The following RGS7 variants were observed in gnomAD, a reference collection of about 807,000 sequenced individuals.
RGS7 encodes regulator of G protein signaling 7, also known as regulator of G-protein signaling 7.
Under a neutral mutation model 81.1 loss-of-function variants are expected in RGS7, and 27 were observed. The observed-to-expected ratio is 0.33, with a 90% CI of 0.25 to 0.46. RGS7 has a LOEUF of 0.46. Ranked by LOEUF, RGS7 falls within the 20% of genes least tolerant of loss-of-function variation. The probability of loss-of-function intolerance (pLI) is 1.00; values close to 1 mark genes in which losing one functional copy is unlikely to be tolerated. For synonymous variants in RGS7, 208 were observed against 207.7 expected (o/e 1.00, Z -0.01); for missense variants, 396 against 607.4 (o/e 0.65, Z 3.66).
At chr1:241,091,023 G>C (rs2063838029) in intron 3 of RGS7, among the ~76,000 whole-genome samples, 1 of 152,144 alleles carries the variant, frequency 6.6e-6, no homozygotes. Flanking sequence ...ATGGGATTTT[G>C]CCTCAAACCC....
intron 3 of RGS7, among the ~76,000 whole-genome samples, chr1:241,019,093 C>T (rs1215711176): frequency 6.6e-6 from 1 of 152,158 alleles, no homozygotes; most frequent in Non-Finnish European, 1.5e-5. Flanking sequence ...ATATGTGAGG[C>T]TATCCCATGA....
Position 241,142,698 on chromosome 1 carries a change from G to A in RGS7, c.79-43936C>T, listed in dbSNP as rs555132483. Among the ~76,000 whole-genome samples, 352 of 152,316 alleles carry A rather than the reference G, an allele frequency of 2.3e-3. 2 individuals are homozygous for A. Among genetic ancestry groups the A allele is most frequent in the Middle Eastern group, 0.01 (3 of 294 alleles). ...CAGGCCTGTGATGGGAAGGGCTGCC[G>A]TGAAGACCTCAGACATGCCCTGGAG... On this transcript the variant is annotated intron_variant, in intron 2 of 18. Transcript: ENST00000440928.
At chr1:241,315,447 T>C (rs1355014961) in intron 2 of RGS7, among the ~76,000 whole-genome samples, 4 of 152,148 alleles carry the variant, frequency 2.6e-5, no homozygotes, top group Admixed American at 2.6e-4. Context: ...TAAAAAAAGA[T>C]AGTGATAACC....
intron 6 of RGS7, among the ~76,000 whole-genome samples, chr1:240,892,777 G>A (rs1442927674): frequency 6.6e-6 from 1 of 151,966 alleles, no homozygotes; most frequent in Non-Finnish European, 1.5e-5. Flanking sequence ...TCTGTTTTCT[G>A]TCCATAAATC....
intron 4 of RGS7, among the ~76,000 whole-genome samples, chr1:240,958,326 C>T (rs1304834080): frequency 6.6e-6 from 1 of 152,164 alleles, no homozygotes; most frequent in Non-Finnish European, 1.5e-5. Flanking sequence ...CTTGTATTTA[C>T]AAGGTTAGAG....
At chr1:241,025,932 CTA>C (rs1231925947) in intron 3 of RGS7, among the ~76,000 whole-genome samples, 1 of 152,148 alleles carries the variant, frequency 6.6e-6, no homozygotes, top group East Asian at 1.9e-4. Flanking sequence ...GAAATACAGT[CTA>C]AATCTTCATG....
chr1:240,913,578 G>T (rs1462737646), intron 6 of RGS7, among the ~76,000 whole-genome samples: 1 of 152,090 alleles, frequency 6.6e-6, no homozygotes. Flanking sequence ...GGGTTTTGTT[G>T]TTGTTCGTTT....
At chr1:241,070,814 C>T (rs569556823) in intron 3 of RGS7, among the ~76,000 whole-genome samples, 6 of 152,220 alleles carry the variant, frequency 3.9e-5, no homozygotes, top group African/African-American at 1.2e-4. Context: ...ATGTGGGAGG[C>T]GCCCTGTCTG....
chr1:241,026,111 C>T (rs145761807), intron 3 of RGS7, among the ~76,000 whole-genome samples: 312 of 152,262 alleles, frequency 2.0e-3, no homozygotes, highest in African/African-American at 7.3e-3. Context: ...TTATTTAGTG[C>T]CTGCTTCCAG....
chr1:240,829,190 C>G (rs2147808020), intron 9 of RGS7, among the ~76,000 whole-genome samples: 1 of 152,180 alleles, frequency 6.6e-6, no homozygotes, highest in Admixed American at 6.5e-5. Flanking sequence ...CACACACACA[C>G]TGTACTACAA....
At chr1:241,190,434 G>A (rs770512805) in intron 2 of RGS7, among the ~76,000 whole-genome samples, 14 of 151,918 alleles carry the variant, frequency 9.2e-5, no homozygotes, top group Admixed American at 2.0e-4. Context: ...TTACTATGTC[G>A]AGTTTTCCAA....
At chr1:240,871,214 T>C (rs1572517732) in intron 6 of RGS7, among the ~76,000 whole-genome samples, 2 of 152,240 alleles carry the variant, frequency 1.3e-5, no homozygotes, top group East Asian at 3.8e-4. Context: ...AGATACATTG[T>C]ATCTGTTCTA....
rs1214556428 is a variant in RGS7, at chr1:241,197,483, T to A, written c.79-98721A>T. On this transcript the variant is annotated intron_variant, in intron 2 of 18. Transcript: ENST00000440928. The stretch of plus-strand genomic sequence containing the variant: ...TTTAGCCGGGATGGTCTCGATCTCC[T>A]GACCTCGTGATCCGCCCGCCTCGGC... Among the ~76,000 whole-genome samples, 2 of 7,038 alleles carry A rather than the reference T, an allele frequency of 2.8e-4. 1 individual carries two copies. The highest frequency in any genetic ancestry group is 7.1e-4 in the African/African-American group (2 of 2,826). 4.6% of individuals were successfully genotyped at this position (7,038 alleles called of 152,430 possible).
At chr1:240,865,172 A>G (rs1264782063) in intron 9 of RGS7, among the ~76,000 whole-genome samples, 1 of 152,186 alleles carries the variant, frequency 6.6e-6, no homozygotes, top group Non-Finnish European at 1.5e-5. Context: ...GAAAGGGCAA[A>G]TCACTGTGCA....
intron 10 of RGS7, among the ~76,000 whole-genome samples, chr1:240,826,284 T>A (rs1270861288): frequency 6.6e-6 from 1 of 152,148 alleles, no homozygotes; most frequent in Non-Finnish European, 1.5e-5. Flanking sequence ...ACTTGGACCA[T>A]ATTGGGGCCT....
intron 3 of RGS7, among the ~76,000 whole-genome samples, chr1:241,032,959 G>T (rs1470535036): frequency 1.4e-5 from 2 of 142,922 alleles, no homozygotes; most frequent in Non-Finnish European, 3.2e-5. Flanking sequence ...TTCCAATTTG[G>T]ATGCGTTTTA....
At chr1:241,254,200 A>G (rs1383497204) in intron 2 of RGS7, among the ~76,000 whole-genome samples, 1 of 146,782 alleles carries the variant, frequency 6.8e-6, no homozygotes, top group African/African-American at 2.5e-5. Flanking sequence ...CTCCATCTCA[A>G]AAAAAAAAAA....
intron 2 of RGS7, among the ~76,000 whole-genome samples, chr1:241,101,335 A>C (rs2064721077): frequency 6.6e-6 from 1 of 151,926 alleles, no homozygotes; most frequent in South Asian, 2.1e-4. Flanking sequence ...GTCTCTACTA[A>C]AAATACAAAA....
intron 3 of RGS7, among the ~76,000 whole-genome samples, chr1:241,029,995 A>G (rs768139616): frequency 6.8e-4 from 103 of 152,284 alleles, no homozygotes; most frequent in Non-Finnish European, 1.2e-3. Context: ...AGTTTTTCCT[A>G]AAGTCTTTCT....
Sources: allele counts gnomAD v4.1 joint callset (sites outside exome capture counted in the v4.1 genomes callset), GRCh38; gene constraint gnomAD v4.1.1; transcripts MANE v1.5; gene names NCBI Gene and HGNC (gene_info 2026-07-23, HGNC 2026-07-21).